The following ZMAT4 variants were observed in gnomAD, a reference collection of about 807,000 sequenced individuals.
ZMAT4 encodes the protein zinc finger matrin-type 4.
ZMAT4 carries 17 observed loss-of-function variants against 28.7 expected under a neutral mutation model. The ratio of observed to expected loss-of-function variants is 0.59; its 90% CI spans 0.41 to 0.89. The LOEUF is 0.89. ZMAT4 is among the 40% of genes least tolerant of loss of function. The pLI is 0.00. For synonymous variants in ZMAT4, 117 were observed against 109.2 expected (o/e 1.07, Z -0.44); for missense variants, 240 against 283.8 (o/e 0.85, Z 1.11).
chr8:40,864,565 G>T (rs1399500500), intron 1 of ZMAT4, among the ~76,000 whole-genome samples: 1 of 152,084 alleles, frequency 6.6e-6, no homozygotes, highest in Non-Finnish European at 1.5e-5. Context: ...GTGTGGCCTG[G>T]GTACTCACCC....
intron 3 of ZMAT4, among the ~76,000 whole-genome samples, chr8:40,717,368 A>G (rs1449301045): frequency 6.6e-6 from 1 of 152,174 alleles, no homozygotes; most frequent in African/African-American, 2.4e-5. Context: ...AAAATAAAGC[A>G]TTCAGGCAGG....
At position 40,785,702 on chromosome 8, in the gene ZMAT4, G is replaced by C. The variant is rs143839674; in HGVS notation, c.103-17972C>G. ...AAAGTTAGTCCAAAACTACTGACAA[G>C]TGTTTAACCAATGTAATCATGCATT... is the stretch of plus-strand genomic sequence containing the variant. On this transcript the variant is annotated intron_variant, in intron 2 of 6. Transcript: ENST00000297737. 4.9e-3 allele frequency among the ~76,000 whole-genome samples: 752 copies of C among 152,258 alleles called. 7 individuals carry two copies. The highest frequency in any genetic ancestry group is 7.9e-3 in the Non-Finnish European group (537 of 68,022).
At chr8:40,544,935 T>C (rs1803152336) in intron 6 of ZMAT4, among the ~76,000 whole-genome samples, 1 of 152,178 alleles carries the variant, frequency 6.6e-6, no homozygotes, top group African/African-American at 2.4e-5. Flanking sequence ...TGATGACCAG[T>C]TTCTAACAAA....
intron 1 of ZMAT4, among the ~76,000 whole-genome samples, chr8:40,892,464 T>C (rs1446363804): frequency 1.3e-5 from 2 of 152,010 alleles, no homozygotes; most frequent in Admixed American, 6.5e-5. Context: ...GAAGCTGGAG[T>C]GGAGTGCATG....
chr8:40,542,188 G>A (rs935361826), intron 6 of ZMAT4, among the ~76,000 whole-genome samples: 1 of 152,092 alleles, frequency 6.6e-6, no homozygotes, highest in Non-Finnish European at 1.5e-5. Flanking sequence ...TGTGGAATGG[G>A]ATGCAGCCCT....
At chr8:40,793,506 C>T (rs4388452) in intron 2 of ZMAT4, among the ~76,000 whole-genome samples, 65,610 of 152,022 alleles carry the variant, frequency 0.43, 14,683 homozygotes, top group Middle Eastern at 0.55. Flanking sequence ...TAACAACAGC[C>T]TTGAAATCCT....
intron 5 of ZMAT4, among the ~76,000 whole-genome samples, chr8:40,613,569 C>T (rs183631318): frequency 1.4e-4 from 22 of 152,150 alleles, no homozygotes; most frequent in African/African-American, 5.3e-4. Flanking sequence ...TTTGGATTTT[C>T]CTTCCCTCCT....
chr8:40,800,244 G>A (rs962476572), intron 2 of ZMAT4, among the ~76,000 whole-genome samples: 5 of 152,132 alleles, frequency 3.3e-5, no homozygotes, highest in African/African-American at 1.2e-4. Context: ...AAACACATGA[G>A]GTAAAAACTG....
At chr8:40,833,540 CAAAAAAAA>C (rs57458575) in intron 1 of ZMAT4, among the ~76,000 whole-genome samples, 2 of 87,098 alleles carry the variant, frequency 2.3e-5, no homozygotes, top group African/African-American at 8.3e-5. Context: ...TACACTCCAG[CAAAAAAAA>C]AAAAAAAAAA....
chr8:40,553,863 T>A (rs764789980), intron 6 of ZMAT4, among the ~76,000 whole-genome samples: 2 of 152,218 alleles, frequency 1.3e-5, no homozygotes, highest in Non-Finnish European at 2.9e-5. Flanking sequence ...TTATTCATTC[T>A]GTGCCAAGGA....
chr8:40,748,743 AT>A (rs77260583), intron 3 of ZMAT4, among the ~76,000 whole-genome samples: 4 of 151,240 alleles, frequency 2.6e-5, no homozygotes, highest in Admixed American at 1.3e-4. Flanking sequence ...TAGGGCTTTT[AT>A]TTTTTTTTAA....
At chr8:40,678,292 TC>T (rs2150476549) in intron 4 of ZMAT4, among the ~76,000 whole-genome samples, 1 of 152,332 alleles carries the variant, frequency 6.6e-6, no homozygotes, top group African/African-American at 2.4e-5. Context: ...CAATTAATTT[TC>T]CCATTTCACC....
intron 6 of ZMAT4, among the ~76,000 whole-genome samples, chr8:40,549,464 A>T (rs571613114): frequency 6.6e-6 from 1 of 152,268 alleles, no homozygotes; most frequent in African/African-American, 2.4e-5. Context: ...AAAATGCTTC[A>T]CTGTCCAAAT....
chr8:40,586,965 C>T (rs752363995), intron 5 of ZMAT4, among the ~76,000 whole-genome samples: 6 of 151,694 alleles, frequency 4.0e-5, no homozygotes, highest in East Asian at 1.9e-4. Flanking sequence ...ACAGAGTTCT[C>T]GGAGAAGTGT....
chr8:40,809,915 G>T (rs561997541), intron 2 of ZMAT4, among the ~76,000 whole-genome samples: 1 of 152,082 alleles, frequency 6.6e-6, no homozygotes, highest in East Asian at 1.9e-4. Flanking sequence ...ATGGTGGCGG[G>T]CACCTGTAAT....
intron 2 of ZMAT4, among the ~76,000 whole-genome samples, chr8:40,807,114 C>T (rs1405752524): frequency 1.1e-5 from 1 of 92,894 alleles, no homozygotes; most frequent in Admixed American, 1.2e-4. Context: ...CTCTCTTGGG[C>T]AGGGGGAGGT....
intron 5 of ZMAT4, among the ~76,000 whole-genome samples, chr8:40,622,856 A>T (rs1806247993): frequency 6.6e-6 from 1 of 152,162 alleles, no homozygotes; most frequent in Non-Finnish European, 1.5e-5. Flanking sequence ...CCCATGACCC[A>T]AACACCTCCC....
At chr8:40,820,346 ATGTGTGTGTT>A (rs1376127435) in intron 2 of ZMAT4, among the ~76,000 whole-genome samples, 1 of 145,002 alleles carries the variant, frequency 6.9e-6, no homozygotes, top group African/African-American at 2.6e-5. Context: ...GTGTGTGTTT[ATGTGTGTGTT>A]TGTGTGTGTC....
intron 2 of ZMAT4, among the ~76,000 whole-genome samples, chr8:40,771,319 T>C (rs1458920370): frequency 7.8e-6 from 1 of 128,002 alleles, no homozygotes; most frequent in Non-Finnish European, 1.7e-5. Flanking sequence ...CTTAAGTAGA[T>C]AATACAGGTA....
Sources: gnomAD v4.1 joint callset for allele counts (sites outside exome capture counted in the v4.1 genomes callset) on GRCh38, gnomAD v4.1.1 for gene constraint, MANE v1.5 for transcripts, NCBI Gene and HGNC (gene_info 2026-07-23, HGNC 2026-07-21) for gene names.